Variants in ZNF735 observed in about 807,000 individuals in gnomAD.
The protein encoded by ZNF735 is zinc finger protein 735, also known as putative zinc finger protein 735.
A neutral mutation model predicts 13.4 loss-of-function variants in ZNF735; 11 were observed. The ratio of observed to expected loss-of-function variants is 0.82; its 90% CI spans 0.52 to 1.36. The LOEUF (loss-of-function observed/expected upper bound fraction) is 1.36. Among genes scored for constraint, ZNF735 ranks in the 40% most tolerant of loss-of-function variants. ZNF735 has a pLI of 0.00. For missense variants in ZNF735, 500 were observed against 484.6 expected, an observed-to-expected ratio of 1.03 and a Z score of -0.30; for synonymous variants, 171 against 162.6, an observed-to-expected ratio of 1.05 and a Z score of -0.39.
At chr7:64,211,890 AATATAT>A (rs34863437) in intron 1 of ZNF735, among the ~76,000 whole-genome samples, 13 of 96,514 alleles carry the variant, frequency 1.3e-4, no homozygotes, top group Non-Finnish European at 2.4e-4. Flanking sequence ...AAAGAAAAAA[AATATAT>A]ATATATATAT....
chr7:64,219,414 G>C (rs1787459497), exon 4 of ZNF735: 2 of 1,613,892 alleles, frequency 1.2e-6, no homozygotes. Context: ...GTGGACATGA[G>C]AATTTACAAT....
At chr7:64,212,986 G>A in intron 1 of ZNF735, 106 bp from the exon 2 acceptor site, 3 of 1,234,604 alleles carry the variant, frequency 2.4e-6, no homozygotes, top group South Asian at 2.8e-5. Flanking sequence ...TTGTAAGTGA[G>A]AAACACTTCT....
intron 3 of ZNF735, among the ~76,000 whole-genome samples, chr7:64,215,958 CTG>C (rs1787415818): frequency 6.6e-6 from 1 of 152,040 alleles, no homozygotes; most frequent in South Asian, 2.1e-4. Flanking sequence ...TATAATGCCT[CTG>C]TTTTTCATGT....
exon 4 of ZNF735, chr7:64,220,146 C>T (rs768695504): frequency 3.1e-6 from 5 of 1,613,400 alleles, no homozygotes; most frequent in East Asian, 2.2e-5. Context: ...TTAACTGCTC[C>T]TCAACTGTAA....
At chr7:64,217,447 A>G (rs1787435613) in intron 3 of ZNF735, among the ~76,000 whole-genome samples, 1 of 152,080 alleles carries the variant, frequency 6.6e-6, no homozygotes. Flanking sequence ...CATATACAAT[A>G]CAATGTTCTT....
chr7:64,213,978 A>C, intron 2 of ZNF735, 35 bp from the exon 3 acceptor site: 27 of 1,522,312 alleles, frequency 1.8e-5, no homozygotes, highest in Non-Finnish European at 2.4e-5. Context: ...ATAAATAAAT[A>C]AGATTTAAGT....
chr7:64,209,227 CG>C (rs962284343), intron 1 of ZNF735, among the ~76,000 whole-genome samples: 6 of 125,434 alleles, frequency 4.8e-5, no homozygotes, highest in Non-Finnish European at 8.9e-5. Context: ...GCATCTGTTC[CG>C]TTTTTTTTTT....
chr7:64,208,933 G>T (rs1787325426), intron 1 of ZNF735, among the ~76,000 whole-genome samples: 1 of 152,174 alleles, frequency 6.6e-6, no homozygotes, highest in African/African-American at 2.4e-5. Flanking sequence ...ATTTCATGGT[G>T]TTTATGTAAC....
At chr7:64,217,219 C>T (rs754920799) in intron 3 of ZNF735, among the ~76,000 whole-genome samples, 21 of 152,172 alleles carry the variant, frequency 1.4e-4, no homozygotes, top group Non-Finnish European at 3.1e-4. Context: ...GGCTCCTCCA[C>T]CTCACACTCG....
intron 2 of ZNF735, 119 bp from the exon 3 acceptor site, chr7:64,213,894 G>A (rs1787389208): frequency 2.2e-6 from 2 of 912,672 alleles, no homozygotes; most frequent in Non-Finnish European, 3.0e-6. Context: ...GGGAAGTGGA[G>A]GTTGCAGTGA....
chr7:64,211,405 A>G (rs1787358875), intron 1 of ZNF735, among the ~76,000 whole-genome samples: 2 of 152,186 alleles, frequency 1.3e-5, no homozygotes, highest in South Asian at 2.1e-4. Flanking sequence ...GAAAATGTTC[A>G]TTTAAACAGA....
chr7:64,218,613 T>A (rs888092788), intron 3 of ZNF735, among the ~76,000 whole-genome samples: 6 of 152,116 alleles, frequency 3.9e-5, no homozygotes, highest in African/African-American at 1.4e-4. Flanking sequence ...TAAAAATTAA[T>A]ATATACATCT....
rs1216279270 is a variant in ZNF735, at chr7:64,208,290, C to A, written c.39+1049C>A. ...TTTTTTTTTTGGAGAGGGAGTCTCA[C>A]TCTGTCCTCCAGGCTGGAGTGCAGT... On this transcript the variant is annotated intron_variant, in intron 1 of 3. Transcript: ENST00000429565. Among the ~76,000 whole-genome samples, 3 of 120,208 alleles carry A rather than the reference C, an allele frequency of 2.5e-5. No individual in the cohort carries two copies. In the East Asian group the frequency reaches 8.0e-4, roughly 32 times the overall value. 78.9% of individuals were successfully genotyped at this position (120,208 alleles called of 152,430 possible).
chr7:64,215,586 A>G (rs1243906350), intron 3 of ZNF735, among the ~76,000 whole-genome samples: 6 of 151,840 alleles, frequency 4.0e-5, no homozygotes, highest in Non-Finnish European at 7.4e-5. Context: ...ATTTGATGAC[A>G]TGTCTAAGAA....
At position 64,217,151 on chromosome 7, in the gene ZNF735, C is replaced by A. The variant is rs77078549; in HGVS notation, c.263-2163C>A. Among the ~76,000 whole-genome samples, 570 of 152,252 alleles carry A rather than the reference C, an allele frequency of 3.7e-3. 21 individuals carry two copies. In the East Asian group the frequency reaches 0.083, roughly 22 times the overall value. ...CAAATCCCTCATGAATGACTTGGCA[C>A]AATCATAGAGTTCTCACACTATTAA... On this transcript the variant is annotated intron_variant, in intron 3 of 3. Coordinates refer to ENST00000429565, the Ensembl canonical transcript of ZNF735.
chr7:64,215,848 G>A (rs1395716436), intron 3 of ZNF735, among the ~76,000 whole-genome samples: 2 of 151,988 alleles, frequency 1.3e-5, no homozygotes, highest in African/African-American at 4.8e-5. Flanking sequence ...GTTCATTGCT[G>A]GGCTCCCTAT....
intron 3 of ZNF735, among the ~76,000 whole-genome samples, chr7:64,219,020 A>G (rs1474849460): frequency 6.6e-6 from 1 of 151,898 alleles, no homozygotes; most frequent in East Asian, 1.9e-4. Context: ...ATGTTCTTCT[A>G]CTGGGGATGA....
intron 3 of ZNF735, among the ~76,000 whole-genome samples, chr7:64,215,286 G>A (rs1787406681): frequency 6.6e-6 from 1 of 152,062 alleles, no homozygotes; most frequent in Admixed American, 6.6e-5. Flanking sequence ...TCGAATTACT[G>A]ACCTCAGGTG....
chr7:64,214,512 G>C (rs1787397368), intron 3 of ZNF735, among the ~76,000 whole-genome samples: 2 of 152,206 alleles, frequency 1.3e-5, no homozygotes, highest in South Asian at 4.1e-4. Context: ...TGTGAGAATA[G>C]TAATTTCTGT....
Sources: allele counts gnomAD v4.1 joint callset (sites outside exome capture counted in the v4.1 genomes callset), GRCh38; gene constraint gnomAD v4.1.1; transcripts MANE v1.5; gene names NCBI Gene and HGNC (gene_info 2026-07-23, HGNC 2026-07-21).